Variants in GCNA observed in about 807,000 individuals in gnomAD.
The protein encoded by GCNA is germ cell nuclear acidic protein.
A neutral mutation model predicts 38.8 loss-of-function variants in GCNA; 3 were observed. That is an observed-to-expected ratio of 0.08 (90% CI 0.04 to 0.20). The LOEUF (loss-of-function observed/expected upper bound fraction) is 0.20. Among genes scored for constraint, GCNA ranks in the 10% least tolerant of loss-of-function variants. The pLI is 1.00. For missense variants in GCNA, 446 were observed against 578.6 expected, an observed-to-expected ratio of 0.77 and a Z score of 2.35; for synonymous variants, 195 against 240.2, an observed-to-expected ratio of 0.81 and a Z score of 1.74.
chrX:71,599,285 A>G (rs1052522449), intron 7 of GCNA, among the ~76,000 whole-genome samples: 4 of 111,755 alleles, frequency 3.6e-5, no homozygotes, highest in African/African-American at 1.3e-4. Context: ...TCTACCACCT[A>G]TCCTTTTGGA....
At chrX:71,581,189 C>T (rs1028908211) in intron 2 of GCNA, among the ~76,000 whole-genome samples, 2 of 112,213 alleles carry the variant, frequency 1.8e-5, no homozygotes, top group African/African-American at 6.5e-5. Context: ...TGTTGTTCCA[C>T]GCCAGTATCG....
intron 2 of GCNA, among the ~76,000 whole-genome samples, chrX:71,589,265 C>A (rs1270200364): frequency 3.8e-5 from 4 of 106,259 alleles, no homozygotes; most frequent in Admixed American, 1.0e-4. Context: ...TCCTTCAATG[C>A]ATATATTCTT....
intron 2 of GCNA, among the ~76,000 whole-genome samples, chrX:71,586,901 C>T (rs890474263): frequency 8.9e-6 from 1 of 111,906 alleles, no homozygotes; most frequent in African/African-American, 3.2e-5. Flanking sequence ...TGAGCCACTG[C>T]GCCTGGCCCA....
chrX:71,586,346 A>T (rs2040585512), intron 2 of GCNA, among the ~76,000 whole-genome samples: 1 of 111,165 alleles, frequency 9.0e-6, no homozygotes, highest in South Asian at 3.8e-4. Context: ...GGCAGGTTGT[A>T]GTTTGGTAGT....
At chrX:71,595,661 C>T (rs988353652) in intron 6 of GCNA, among the ~76,000 whole-genome samples, 12 of 111,712 alleles carry the variant, frequency 1.1e-4, no homozygotes, top group Non-Finnish European at 1.3e-4. Context: ...GGGTGTTTCC[C>T]AGGTGCCAAA....
intron 9 of GCNA, among the ~76,000 whole-genome samples, 166 bp downstream of exon 9, chrX:71,605,895 G>C (rs962867608): frequency 9.0e-6 from 1 of 111,651 alleles, no homozygotes; most frequent in Non-Finnish European, 1.9e-5. Flanking sequence ...CCAAGCAAGG[G>C]AGAATACTAC....
chrX:71,603,666 A>G lies in GCNA; in HGVS notation c.389A>G (p.Asp130Gly), dbSNP rs2040734501. Reference sequence around the variant, plus strand: ...GTTATTAGTGATGATGACAATGACGATGACAACGGTAATGATTTGGAAGTT... The same window carrying G: ...GTTATTAGTGATGATGACAATGACGGTGACAACGGTAATGATTTGGAAGTT... Reference protein sequence around the residue: ...PIVISDDDNDDDNGNDLEVPD... With the variant: ...PIVISDDDNDGDNGNDLEVPD... The change falls in exon 8 of 13, where the codon GAT becomes GGT. Residue 130 changes from aspartate to glycine, a missense_variant. Transcript: ENST00000373696. 8.3e-7 allele frequency: 1 copy of G among 1,210,435 alleles called. No homozygotes were observed. Among genetic ancestry groups the G allele is most frequent in the Non-Finnish European group, 1.1e-6 (1 of 895,440 alleles).
At chrX:71,579,566 G>T (rs2040529771) in intron 1 of GCNA, among the ~76,000 whole-genome samples, 1 of 99,415 alleles carries the variant, frequency 1.0e-5, no homozygotes, top group South Asian at 5.2e-4. Context: ...GAGAAGTGGG[G>T]GTGCCCGTTG....
chrX:71,606,422 T>C (rs1270202078), intron 9 of GCNA, among the ~76,000 whole-genome samples: 2 of 112,482 alleles, frequency 1.8e-5, no homozygotes, highest in Non-Finnish European at 3.8e-5. Context: ...AAAATTAATA[T>C]ATTTTCTTAT....
chrX:71,610,869 A>AC, intron 11 of GCNA, 50 bp downstream of exon 11: 1 of 1,197,391 alleles, frequency 8.4e-7, no homozygotes, highest in African/African-American at 1.7e-5. Flanking sequence ...TCCTTCTGAC[A>AC]CCGTGCCTGT....
At position 71,610,741 on chromosome X, in the gene GCNA, A is replaced by G. The variant is rs765633095; in HGVS notation, c.1672A>G (p.Ser558Gly). 1 of 1,211,690 alleles carries G rather than the reference A, an allele frequency of 8.3e-7. No homozygotes were observed. Among genetic ancestry groups the G allele is most frequent in the African/African-American group, 1.7e-5 (1 of 57,762 alleles). The change falls in exon 11 of 13, where the codon AGC (serine) becomes GGC (glycine). Residue 558 changes from serine to glycine, a missense_variant. Ser to Gly is a moderately conservative substitution (Grantham distance 56, BLOSUM62 0). Around this residue, in one of 7 missense-constraint regions of GCNA, gnomAD observed 60 missense variants for 111.0 expected, o/e 0.54. Transcript: ENST00000373696. ...NKMVKTAGLC[S>G]TGEMWYPKWR... ...GATGGTGAAAACTGCTGGCTTATGC[A>G]GCACTGGTGAGATGTGGTACCCAAA...
chrX:71,587,786 C>CT (rs1342924485), intron 2 of GCNA, among the ~76,000 whole-genome samples: 62 of 102,207 alleles, frequency 6.1e-4, no homozygotes, highest in African/African-American at 8.1e-4. Context: ...TCTTGGATTT[C>CT]TTTTTTTTTT....
intron 11 of GCNA, 69 bp from the exon 12 acceptor site, chrX:71,612,282 GGAAA>G: frequency 1.6e-6 from 1 of 626,995 alleles, no homozygotes; most frequent in Non-Finnish European, 2.2e-6. Flanking sequence ...TCTCAAAAAA[GGAAA>G]AAAAAAAAAA....
intron 1 of GCNA, among the ~76,000 whole-genome samples, chrX:71,579,026 G>A (rs1012930399): frequency 1.9e-5 from 2 of 105,880 alleles, no homozygotes; most frequent in Non-Finnish European, 3.9e-5. Flanking sequence ...CACCAGTGAC[G>A]GTGTGGGGAG....
At chrX:71,603,471 A>C in intron 7 of GCNA, 117 bp from the exon 8 acceptor site, 2 of 1,050,723 alleles carry the variant, frequency 1.9e-6, no homozygotes, top group Non-Finnish European at 2.6e-6. Context: ...ACTGCTATTC[A>C]AAATGTCACA....
Position 71,603,633 on chromosome X carries a change from C to A in GCNA, c.356C>A (p.Pro119His). ...CCHVKPAIQE[P>H]PIVISDDDND... ...CATGTGAAGCCTGCCATCCAGGAAC[C>A]TCCAATAGTTATTAGTGATGATGAC... Residue 119 changes from proline (P) to histidine (H), a missense_variant, in exon 8 of 13, where the codon CCT becomes CAT. By Grantham distance (77) the Pro-to-His change is moderately conservative. Around this residue, in one of 7 missense-constraint regions of GCNA, gnomAD observed 118 missense variants for 122.8 expected, o/e 0.96. Transcript: ENST00000373696. The A allele has an allele frequency of 8.3e-7, 1 of 1,211,804 alleles. No individual in the cohort carries two copies. The highest frequency in any genetic ancestry group is 1.1e-6 in the Non-Finnish European group (1 of 895,568).
chrX:71,584,554 A>G (rs1366614578), intron 2 of GCNA, among the ~76,000 whole-genome samples: 1 of 111,834 alleles, frequency 8.9e-6, no homozygotes, highest in Non-Finnish European at 1.9e-5. Context: ...ACCCGGCCTC[A>G]TAGCATTTAA....
chrX:71,580,792 G>A (rs781340339), intron 1 of GCNA, 28 bp from the exon 2 acceptor site: 3 of 1,184,234 alleles, frequency 2.5e-6, no homozygotes, highest in South Asian at 3.7e-5. Flanking sequence ...GCTTTCTTAA[G>A]AAAGTGTATC....
chrX:71,600,218 T>C (rs2040702520), intron 7 of GCNA, among the ~76,000 whole-genome samples: 1 of 111,604 alleles, frequency 9.0e-6, no homozygotes, highest in Admixed American at 9.5e-5. Context: ...CTGACTCATA[T>C]CAGTGGTTCT....
Sources: gnomAD v4.1 joint callset for allele counts (sites outside exome capture counted in the v4.1 genomes callset) on GRCh38, gnomAD v4.1.1 for gene constraint, gnomAD v4.1.1 regional missense constraint, MANE v1.5 for transcripts, NCBI Gene and HGNC (gene_info 2026-07-23, HGNC 2026-07-21) for gene names.